The following GLIS3 variants were observed in gnomAD, a reference collection of about 807,000 sequenced individuals.
The protein encoded by GLIS3 is GLIS family zinc finger 3.
A neutral mutation model predicts 78.6 loss-of-function variants in GLIS3; 53 were observed. The ratio of observed to expected loss-of-function variants is 0.67; its 90% confidence interval spans 0.54 to 0.85. GLIS3 has a LOEUF of 0.85. Ranked by LOEUF, GLIS3 falls within the 40% of genes least tolerant of loss-of-function variation. The pLI is 0.00. For synonymous variants in GLIS3, 684 were observed against 509.9 expected (o/e 1.34, Z -4.60); for missense variants, 1,703 against 1,231.1 (o/e 1.38, Z -5.74).
rs116801477 is a variant in GLIS3, at chr9:4,000,283, C to T, written c.1711-63094G>A. The stretch of plus-strand genomic sequence containing the variant: ...ATATACACTTCAAAAGCAGGCAAAA[C>T]CAAACAATGTATTTTTAAGGATGCC... On this transcript the variant is annotated intron_variant, in intron 4 of 10. Transcript: ENST00000381971. 7.0e-3 allele frequency among the ~76,000 whole-genome samples: 1,065 copies of T among 152,096 alleles called. 14 individuals carry two copies. The highest frequency in any genetic ancestry group is 0.022 in the African/African-American group (931 of 41,502).
chr9:3,830,745 A>T (rs1817998111), intron 9 of GLIS3, among the ~76,000 whole-genome samples: 1 of 152,182 alleles, frequency 6.6e-6, no homozygotes, highest in South Asian at 2.1e-4. Context: ...TCTTCTTGAG[A>T]TTGGAAGGCT....
At position 4,257,586 on chromosome 9, in the gene GLIS3, T is replaced by TTGTTGTTG. The variant is rs376998444; in HGVS notation, c.388+28451_388+28452insCAACAACA. 2.7e-3 allele frequency among the ~76,000 whole-genome samples: 401 copies of TTGTTGTTG among 150,462 alleles called. 3 individuals are homozygous for TTGTTGTTG. The highest frequency in any genetic ancestry group is 0.027 in the South Asian group (124 of 4,660). The stretch of plus-strand genomic sequence containing the variant: ...GTATATGTTGTTGTTGTTGTTGTTA[T>TTGTTGTTG]TTTTTGAGACGGAGTCTCGCTCTGT... On this transcript the variant is annotated intron_variant, in intron 2 of 10. Coordinates refer to ENST00000381971, the MANE Select transcript of GLIS3 (RefSeq NM_001042413.2).
chr9:3,961,075 G>A lies in GLIS3; in HGVS notation c.1711-23886C>T, dbSNP rs980510665. On this transcript the variant is annotated intron_variant, in intron 4 of 10. Coordinates refer to ENST00000381971, the MANE Select transcript of GLIS3 (RefSeq NM_001042413.2). ...GAGCCACAGACTTTTCTTCTTTGGG[G>A]TCATTAAGCTTGTCAAAACTAATTT... Among the ~76,000 whole-genome samples, 6 of 152,134 alleles carry A rather than the reference G, an allele frequency of 3.9e-5. No individual in the cohort carries two copies. The East Asian group carries it at 9.6e-4, about 24-fold the overall frequency.
At chr9:4,268,442 G>A (rs1390294451) in intron 2 of GLIS3, among the ~76,000 whole-genome samples, 1 of 152,102 alleles carries the variant, frequency 6.6e-6, no homozygotes, top group Non-Finnish European at 1.5e-5. Context: ...GTCTTGCTTT[G>A]CATTATTACT....
rs139080385 is a variant in GLIS3, at chr9:4,118,734, T to C, written c.744A>G (p.Leu248=). The change falls in exon 4 of 11, where the codon CTA becomes CTG. Residue 248 remains leucine, a synonymous_variant. Transcript: ENST00000381971. This position sits in a 1 kb window ranked among gnomAD's most constrained non-coding sequence, Gnocchi z 4.7. ...CGGGAGGAAGGCTAAGGAGATCCCC[T>C]AGATCAAGGCCATTCTGAGAGCCGT... ...SNHGSQNGLD[L]GDLLSLPPGT... is the part of the protein sequence containing the mutation. The C allele has an allele frequency of 1.4e-4, 234 of 1,613,964 alleles. No homozygotes were observed. The African/African-American group carries it at 2.8e-3, about 19-fold the overall frequency.
chr9:4,129,165 A>G, intron 2 of GLIS3, among the ~76,000 whole-genome samples: 1 of 152,202 alleles, frequency 6.6e-6, no homozygotes, highest in Admixed American at 6.5e-5. Flanking sequence ...CAGAAACATA[A>G]TGAACACCTA....
intron 7 of GLIS3, 99 bp downstream of exon 7, chr9:3,898,592 G>A (rs762852840): frequency 1.4e-6 from 2 of 1,437,228 alleles, no homozygotes; most frequent in Non-Finnish European, 2.0e-6. Context: ...CAACACAGAC[G>A]ATCTTAGGAA....
chr9:4,174,356 C>T (rs1488154609), intron 2 of GLIS3, among the ~76,000 whole-genome samples: 1 of 152,158 alleles, frequency 6.6e-6, no homozygotes, highest in Non-Finnish European at 1.5e-5. Flanking sequence ...CAAACAGATA[C>T]TTTCCAATTC....
intron 2 of GLIS3, among the ~76,000 whole-genome samples, chr9:4,226,390 T>C (rs1821770595): frequency 6.6e-6 from 1 of 152,076 alleles, no homozygotes; most frequent in Admixed American, 6.5e-5. Flanking sequence ...ATAATAAATA[T>C]ATGTTGAATA....
chr9:4,139,417 A>C (rs1207037456), intron 2 of GLIS3, among the ~76,000 whole-genome samples: 2 of 152,244 alleles, frequency 1.3e-5, no homozygotes, highest in Non-Finnish European at 2.9e-5. Flanking sequence ...AGTTCCTCTG[A>C]AATGTGTGTA....
chr9:4,321,550 A>C (rs1353837769), intron 2 of GLIS3, among the ~76,000 whole-genome samples: 1 of 149,720 alleles, frequency 6.7e-6, no homozygotes, highest in Admixed American at 6.7e-5. Flanking sequence ...CTATTTACGT[A>C]ATTAAAATAA....
At chr9:4,186,691 C>A (rs1817829580) in intron 2 of GLIS3, among the ~76,000 whole-genome samples, 1 of 151,852 alleles carries the variant, frequency 6.6e-6, no homozygotes, top group South Asian at 2.1e-4. Flanking sequence ...GATTGCCATT[C>A]TAACTGGTGT....
chr9:4,049,829 CAACA>C (rs1449729552), intron 4 of GLIS3, among the ~76,000 whole-genome samples: 1 of 152,060 alleles, frequency 6.6e-6, no homozygotes, highest in African/African-American at 2.4e-5. Context: ...TTTATGCAGC[CAACA>C]GACACATGAA....
intron 2 of GLIS3, among the ~76,000 whole-genome samples, chr9:4,342,017 C>G (rs6476850): frequency 1 from 152,365 of 152,368 alleles, 76,181 homozygotes; most frequent in Non-Finnish European, 1. Context: ...TGGATGCATA[C>G]TTTGCAAATA....
intron 7 of GLIS3, among the ~76,000 whole-genome samples, chr9:3,890,893 G>A (rs1035177261): frequency 2.7e-4 from 41 of 152,164 alleles, no homozygotes; most frequent in African/African-American, 9.1e-4. Flanking sequence ...ATTCCAATTT[G>A]CTTTTCTTTA....
chr9:4,403,546 AC>A, the GLIS3 span, among the ~76,000 whole-genome samples: 1 of 152,222 alleles, frequency 6.6e-6, no homozygotes, highest in African/African-American at 2.4e-5. Context: ...AAGAGAAGCT[AC>A]AAAAAGTCAA....
At chr9:4,253,704 G>C (rs1418021649) in intron 2 of GLIS3, among the ~76,000 whole-genome samples, 1 of 152,196 alleles carries the variant, frequency 6.6e-6, no homozygotes, top group Non-Finnish European at 1.5e-5. Context: ...CGGCCGCCCA[G>C]TTTTGTGCTT....
chr9:4,175,626 G>A (rs527517952), intron 2 of GLIS3, among the ~76,000 whole-genome samples: 7 of 152,216 alleles, frequency 4.6e-5, no homozygotes, highest in Admixed American at 2.0e-4. Context: ...ATCCTTCTGG[G>A]ACTAAACTTC....
At chr9:4,455,565 C>G in the GLIS3 span, among the ~76,000 whole-genome samples, 2 of 152,082 alleles carry the variant, frequency 1.3e-5, no homozygotes, top group Non-Finnish European at 2.9e-5. Flanking sequence ...ATGAACTTGC[C>G]TCTAACATTC....
Sources: gnomAD v4.1 joint callset for allele counts (sites outside exome capture counted in the v4.1 genomes callset) on GRCh38, gnomAD v4.1.1 for gene constraint, Gnocchi (gnomAD v3.1) non-coding constraint, MANE v1.5 for transcripts, NCBI Gene and HGNC (gene_info 2026-07-23, HGNC 2026-07-21) for gene names.